The following STPG2 variants were observed in gnomAD, a reference collection of about 807,000 sequenced individuals.
STPG2 encodes sperm tail PG-rich repeat containing 2.
In STPG2, 56 loss-of-function variants were observed where a neutral mutation model predicts 54.2. The ratio of observed to expected loss-of-function variants is 1.03; its 90% confidence interval spans 0.83 to 1.29. The LOEUF is 1.29. STPG2 is among the 50% of genes most tolerant of loss of function. The pLI, the probability that STPG2 is intolerant of heterozygous loss-of-function variation, is 0.00. For synonymous variants in STPG2, 200 were observed against 181.8 expected, an observed-to-expected ratio of 1.10 and a Z score of -0.81; for missense variants, 596 against 544.9, an observed-to-expected ratio of 1.09 and a Z score of -0.93.
At chr4:97,626,562 A>T (rs1734143495) in intron 10 of STPG2, among the ~76,000 whole-genome samples, 1 of 152,020 alleles carries the variant, frequency 6.6e-6, no homozygotes, top group Non-Finnish European at 1.5e-5. Flanking sequence ...TGTCTCACTC[A>T]TTTCGGAATT....
intron 9 of STPG2, among the ~76,000 whole-genome samples, chr4:97,739,568 A>T (rs1326973937): frequency 6.6e-6 from 1 of 152,238 alleles, no homozygotes; most frequent in Admixed American, 6.5e-5. Context: ...AACTACCATC[A>T]GAGAATACTA....
At chr4:97,508,258 CTGAAT>C (rs772988118) in intron 4 of STPG2, among the ~76,000 whole-genome samples, 16 of 151,864 alleles carry the variant, frequency 1.1e-4, no homozygotes, top group Non-Finnish European at 2.2e-4. Flanking sequence ...ATTGAGAATA[CTGAAT>C]TGGTCTATTT....
chr4:97,936,970 G>C (rs926131210), intron 8 of STPG2, among the ~76,000 whole-genome samples: 6 of 152,066 alleles, frequency 3.9e-5, no homozygotes, highest in African/African-American at 1.4e-4. Context: ...CCTGAACTGT[G>C]TTTTTCAACT....
intron 10 of STPG2, among the ~76,000 whole-genome samples, chr4:97,631,738 A>C (rs1490791824): frequency 6.6e-6 from 1 of 152,072 alleles, no homozygotes; most frequent in Non-Finnish European, 1.5e-5. Flanking sequence ...TCTAGCAAGA[A>C]TGTTTTTGTT....
chr4:97,992,116 ATTTATC>A (rs1735039472), intron 5 of STPG2, among the ~76,000 whole-genome samples: 1 of 151,876 alleles, frequency 6.6e-6, no homozygotes, highest in Non-Finnish European at 1.5e-5. Context: ...AATCCCATCC[ATTTATC>A]TTTGTTTCTG....
At chr4:97,755,206 A>G (rs551019338) in intron 9 of STPG2, among the ~76,000 whole-genome samples, 1 of 152,286 alleles carries the variant, frequency 6.6e-6, no homozygotes, top group East Asian at 1.9e-4. Context: ...CAGATATAAA[A>G]TATTTCAAAA....
chr4:98,022,005 T>C (rs924293266), intron 5 of STPG2, among the ~76,000 whole-genome samples: 3 of 151,540 alleles, frequency 2.0e-5, no homozygotes, highest in Non-Finnish European at 3.0e-5. Flanking sequence ...TTGGAGCATA[T>C]AGCCCATTTA....
chr4:98,050,649 C>T (rs915489844), intron 5 of STPG2, among the ~76,000 whole-genome samples: 3 of 152,100 alleles, frequency 2.0e-5, no homozygotes, highest in Non-Finnish European at 2.9e-5. Context: ...TGAACTAGAT[C>T]TGCTAAAAGA....
chr4:98,035,841 C>A lies in STPG2; in HGVS notation c.613-54523G>T, dbSNP rs572900310. Among the ~76,000 whole-genome samples the A allele has an allele frequency of 5.3e-5, 8 of 152,030 alleles. No individual in the cohort carries two copies. The South Asian group carries it at 1.5e-3, about 28-fold the overall frequency. On this transcript the variant is annotated intron_variant, in intron 5 of 10. Coordinates refer to ENST00000295268, the MANE Select transcript of STPG2 (RefSeq NM_174952.3). The stretch of plus-strand genomic sequence containing the variant: ...AACCATCATTCTCAGCAAACTAACA[C>A]AAGAACAGAAAATCAAACACTGCAT...
At chr4:97,865,036 G>T (rs904648246) in intron 8 of STPG2, among the ~76,000 whole-genome samples, 9 of 152,034 alleles carry the variant, frequency 5.9e-5, no homozygotes, top group Admixed American at 5.3e-4. Context: ...ACATGGGCAA[G>T]GACTTCATGT....
chr4:97,729,115 C>T (rs977089268), intron 9 of STPG2, among the ~76,000 whole-genome samples: 18 of 134,152 alleles, frequency 1.3e-4, no homozygotes, highest in Middle Eastern at 4.7e-3. Flanking sequence ...ACTGAGGAAA[C>T]AGAAAAGAGT....
chr4:97,963,234 G>A (rs554349897), intron 7 of STPG2, among the ~76,000 whole-genome samples: 1 of 152,020 alleles, frequency 6.6e-6, no homozygotes. Flanking sequence ...TAAGAATAAT[G>A]AACTGTTAGT....
chr4:97,492,982 CAAAG>C (rs2148828240), intron 4 of STPG2, among the ~76,000 whole-genome samples: 1 of 149,204 alleles, frequency 6.7e-6, no homozygotes, highest in Non-Finnish European at 1.5e-5. Context: ...ACTGTTTTGA[CAAAG>C]AACATGGCAA....
chr4:97,672,277 G>A (rs552489508), intron 10 of STPG2, among the ~76,000 whole-genome samples: 6 of 147,038 alleles, frequency 4.1e-5, no homozygotes, highest in Admixed American at 7.1e-5. Flanking sequence ...GGGTTCAAGC[G>A]ATTCTCCTGC....
At chr4:97,506,667 C>T (rs1730851730) in intron 4 of STPG2, among the ~76,000 whole-genome samples, 1 of 151,784 alleles carries the variant, frequency 6.6e-6, no homozygotes, top group South Asian at 2.1e-4. Context: ...CCATAGTATT[C>T]TAAACTCTTA....
intron 9 of STPG2, among the ~76,000 whole-genome samples, chr4:97,787,145 C>T (rs917712694): frequency 2.0e-5 from 3 of 152,000 alleles, no homozygotes; most frequent in South Asian, 2.1e-4. Context: ...CATACAAAAT[C>T]GTATCATGTG....
intron 5 of STPG2, among the ~76,000 whole-genome samples, chr4:97,994,305 T>C (rs1404482795): frequency 1.3e-5 from 2 of 152,236 alleles, no homozygotes; most frequent in Non-Finnish European, 1.5e-5. Flanking sequence ...TGATTTCCAA[T>C]TTTATTCCAC....
chr4:97,506,393 C>T (rs139715880), intron 4 of STPG2, among the ~76,000 whole-genome samples: 312 of 151,944 alleles, frequency 2.1e-3, no homozygotes, highest in African/African-American at 7.4e-3. Flanking sequence ...AACTTCTACA[C>T]ATGCAAAGAA....
intron 10 of STPG2, among the ~76,000 whole-genome samples, chr4:97,626,120 A>T (rs1176966044): frequency 6.6e-6 from 1 of 152,198 alleles, no homozygotes; most frequent in East Asian, 1.9e-4. Context: ...TATTCACTCT[A>T]TAACATATTT....
Sources: allele counts gnomAD v4.1 joint callset (sites outside exome capture counted in the v4.1 genomes callset), GRCh38; gene constraint gnomAD v4.1.1; transcripts MANE v1.5; gene names NCBI Gene and HGNC (gene_info 2026-07-23, HGNC 2026-07-21).